The following PNKD variants were observed in gnomAD, a reference collection of about 807,000 sequenced individuals.
PNKD encodes the protein probable thioesterase PNKD.
PNKD carries 36 observed loss-of-function variants against 45.3 expected under a neutral mutation model. The observed-to-expected ratio is 0.80, with a 90% CI of 0.61 to 1.05. The LOEUF (loss-of-function observed/expected upper bound fraction) is 1.05. Among genes scored for constraint, PNKD ranks in the 50% least tolerant of loss-of-function variants. PNKD has a pLI of 0.00. For missense variants in PNKD, 511 were observed against 506.6 expected, an observed-to-expected ratio of 1.01 and a Z score of -0.08; for synonymous variants, 197 against 210.1, an observed-to-expected ratio of 0.94 and a Z score of 0.54.
At chr2:218,292,256 G>A (rs3731860) in intron 2 of PNKD, among the ~76,000 whole-genome samples, 50,583 of 152,122 alleles carry the variant, frequency 0.33, 9,245 homozygotes, top group Middle Eastern at 0.54. Flanking sequence ...CCACAGACCC[G>A]GCCGCCCACC....
intron 2 of PNKD, among the ~76,000 whole-genome samples, chr2:218,311,764 C>T (rs1199709109): frequency 6.6e-6 from 1 of 152,006 alleles, no homozygotes; most frequent in Admixed American, 6.6e-5. Context: ...ATCTCAACTG[C>T]AAAGGGGCCT....
intron 2 of PNKD, chr2:218,280,284 CAG>C (rs1691757345): frequency 8.3e-6 from 5 of 603,414 alleles, no homozygotes; most frequent in Non-Finnish European, 5.9e-6. Context: ...TAGACACCCT[CAG>C]AGTGACCCAG....
intron 2 of PNKD, among the ~76,000 whole-genome samples, chr2:218,319,625 C>A (rs1044549893): frequency 6.6e-6 from 1 of 152,188 alleles, no homozygotes; most frequent in Non-Finnish European, 1.5e-5. Flanking sequence ...CTGCCCACCT[C>A]AGCCTCCCAA....
At chr2:218,286,860 GA>G (rs34827205) in intron 2 of PNKD, 146,594 of 152,226 alleles carry the variant, frequency 0.96, 70,759 homozygotes, top group Non-Finnish European at 1. Flanking sequence ...GCCCAGAGTG[GA>G]AAAAAATAGC....
intron 2 of PNKD, chr2:218,278,083 G>T: frequency 7.7e-7 from 1 of 1,298,016 alleles, no homozygotes; most frequent in Non-Finnish European, 1.1e-6. Context: ...ATTAAGCCTT[G>T]ACTCCAAGGA....
intron 2 of PNKD, chr2:218,272,533 C>A: frequency 6.2e-7 from 1 of 1,610,506 alleles, no homozygotes; most frequent in Non-Finnish European, 8.5e-7. Context: ...CAGGCTTGGC[C>A]CCTCCCCAAA....
Position 218,322,954 on chromosome 2 carries a change from G to A in PNKD, c.237-16829G>A, listed in dbSNP as rs150329077. 4.7e-3 allele frequency among the ~76,000 whole-genome samples: 721 copies of A among 152,102 alleles called. 3 individuals carry two copies. Among genetic ancestry groups the A allele is most frequent in the Middle Eastern group, 0.027 (8 of 292 alleles). ...GACGGGGAGGCGGGCGGGGCGAACT[G>A]CGAGCTCCTGCCCCTTCCCAGGGCT... On this transcript the variant is annotated intron_variant, in intron 2 of 9. Transcript: ENST00000273077.
intron 2 of PNKD, among the ~76,000 whole-genome samples, chr2:218,335,908 G>A (rs544798245): frequency 6.6e-6 from 1 of 152,048 alleles, no homozygotes; most frequent in Non-Finnish European, 1.5e-5. Context: ...CCACATACAC[G>A]GTCAATCCTT....
At chr2:218,332,125 A>G (rs1214751683) in intron 2 of PNKD, among the ~76,000 whole-genome samples, 4 of 152,324 alleles carry the variant, frequency 2.6e-5, no homozygotes, top group African/African-American at 9.6e-5. Flanking sequence ...GAGCAGGAGC[A>G]AGTCTCAGCA....
chr2:218,287,662 A>G (rs1308493818), intron 2 of PNKD, among the ~76,000 whole-genome samples: 1 of 152,134 alleles, frequency 6.6e-6, no homozygotes, highest in Non-Finnish European at 1.5e-5. Context: ...GTGAGCCAAG[A>G]ACATGCCATT....
At chr2:218,295,532 C>A (rs1243900878) in intron 2 of PNKD, among the ~76,000 whole-genome samples, 1 of 152,028 alleles carries the variant, frequency 6.6e-6, no homozygotes, top group Non-Finnish European at 1.5e-5. Flanking sequence ...GTGTTAGGAA[C>A]CAGCCTATTC....
At chr2:218,337,322 C>T (rs376742015) in intron 2 of PNKD, among the ~76,000 whole-genome samples, 17 of 152,298 alleles carry the variant, frequency 1.1e-4, no homozygotes, top group African/African-American at 3.8e-4. Context: ...ATCCACCTGC[C>T]TTGGCCTCCC....
At chr2:218,271,238 C>A in intron 1 of PNKD, 143 bp from the exon 2 acceptor site, 1 of 794,554 alleles carries the variant, frequency 1.3e-6, no homozygotes, top group Non-Finnish European at 2.3e-6. Context: ...CCTTTGGATT[C>A]TCCTTGGCAC....
intron 2 of PNKD, among the ~76,000 whole-genome samples, chr2:218,327,491 G>A (rs1324618364): frequency 6.6e-6 from 1 of 152,056 alleles, no homozygotes; most frequent in African/African-American, 2.4e-5. Flanking sequence ...GAGAACTGTG[G>A]CCAGAGCACC....
chr2:218,307,501 G>T (rs1184706377), intron 2 of PNKD, among the ~76,000 whole-genome samples: 1 of 152,068 alleles, frequency 6.6e-6, no homozygotes, highest in East Asian at 1.9e-4. Flanking sequence ...TTCACAATAG[G>T]GTGCGAGCTC....
rs753020574 is a variant in PNKD at position 218,345,136 on chromosome 2, C to T, written c.*155C>T. The T allele has an allele frequency of 6.2e-4, 402 of 650,124 alleles. 1 individual carries two copies. Among genetic ancestry groups the T allele is most frequent in the Non-Finnish European group, 9.6e-4 (364 of 379,024 alleles). The allele number at this position is 650,124 out of a possible 1,614,324, so 40.3% of individuals were successfully genotyped here. A position where few individuals can be genotyped will look rare whatever the true frequency, so the allele number is the denominator to read the frequency against. ...TGCTCAGGGGAGGGGAGGGATCAGG[C>T]GATGAGACTGTGAGGCCAAAAGAAG... On this transcript the variant is annotated 3_prime_UTR_variant, in exon 10 of 10. Coordinates refer to ENST00000273077, the MANE Select transcript of PNKD (RefSeq NM_015488.5).
At chr2:218,271,905 C>T (rs1404610315) in intron 2 of PNKD, among the ~76,000 whole-genome samples, 1 of 152,160 alleles carries the variant, frequency 6.6e-6, no homozygotes, top group African/African-American at 2.4e-5. Context: ...GCGTTATGAA[C>T]ATTGTGATTG....
chr2:218,336,073 G>C (rs1694481224), intron 2 of PNKD, among the ~76,000 whole-genome samples: 1 of 152,072 alleles, frequency 6.6e-6, no homozygotes, highest in East Asian at 1.9e-4. Context: ...AAATTAGCCA[G>C]GCGTGGTGGT....
chr2:218,295,921 C>T (rs1277344825), intron 2 of PNKD, among the ~76,000 whole-genome samples: 7 of 150,954 alleles, frequency 4.6e-5, no homozygotes, highest in African/African-American at 1.5e-4. Flanking sequence ...TCTTGGCTCG[C>T]GGCAACCTCC....
Sources: gnomAD v4.1 joint callset for allele counts (sites outside exome capture counted in the v4.1 genomes callset) on GRCh38, gnomAD v4.1.1 for gene constraint, MANE v1.5 for transcripts, NCBI Gene and HGNC (gene_info 2026-07-23, HGNC 2026-07-21) for gene names.